Variants in IQUB observed in about 807,000 individuals in gnomAD.
IQUB encodes IQ motif and ubiquitin-like domain-containing protein.
Under a neutral mutation model 86.4 loss-of-function variants are expected in IQUB, and 86 were observed. That is an observed-to-expected ratio of 1.00 (90% confidence interval 0.84 to 1.19). The LOEUF (loss-of-function observed/expected upper bound fraction) is 1.19. IQUB is among the 50% of genes most tolerant of loss of function. The pLI is 0.00. For synonymous variants in IQUB, 289 were observed against 304.5 expected (o/e 0.95, Z 0.53); for missense variants, 946 against 916.9 (o/e 1.03, Z -0.41).
chr7:123,496,289 A>G (rs1204402802), intron 7 of IQUB, among the ~76,000 whole-genome samples: 1 of 152,178 alleles, frequency 6.6e-6, no homozygotes, highest in East Asian at 1.9e-4. Context: ...AATATTGCCA[A>G]GCCCCTTCTC....
intron 6 of IQUB, among the ~76,000 whole-genome samples, chr7:123,498,053 CAGA>C (rs964860665): frequency 6.6e-6 from 1 of 151,282 alleles, no homozygotes; most frequent in East Asian, 1.9e-4. Flanking sequence ...GTGAGTGTCC[CAGA>C]AGGTGACACC....
rs1157920805 is a variant in IQUB, at chr7:123,496,780, C to G, written c.1150G>C (p.Glu384Gln). 1.9e-6 allele frequency: 3 copies of G among 1,611,878 alleles called. No homozygotes were observed. The highest frequency in any genetic ancestry group is 2.5e-6 in the Non-Finnish European group (3 of 1,178,652). ...TGATAGTCCAATTTTATCCATTCTT[C>G]TTTTTCTCTTATCTTCCTTAGTTCT... ...QQELRKIREK[E>Q]EWIKLDYHRR... Residue 384 changes from glutamate (E) to glutamine (Q), a missense_variant, in exon 7 of 13, where the codon GAA becomes CAA. By Grantham distance (29) the Glu-to-Gln change is conservative. Transcript: ENST00000324698.
At chr7:123,479,175 G>A (rs1467649016) in intron 8 of IQUB, among the ~76,000 whole-genome samples, 3 of 152,120 alleles carry the variant, frequency 2.0e-5, no homozygotes, top group African/African-American at 7.2e-5. Flanking sequence ...ACTTTAAATT[G>A]TTTGGAAAGA....
At chr7:123,497,802 A>G (rs1004535197) in intron 6 of IQUB, among the ~76,000 whole-genome samples, 4 of 150,898 alleles carry the variant, frequency 2.7e-5, no homozygotes, top group African/African-American at 9.8e-5. Context: ...AACTTTGAAG[A>G]ATCCCTTCAA....
chr7:123,489,490 G>T (rs540321077), intron 7 of IQUB, among the ~76,000 whole-genome samples: 1 of 151,524 alleles, frequency 6.6e-6, no homozygotes, highest in Admixed American at 6.6e-5. Flanking sequence ...AGATAACAAA[G>T]TTATTTTATT....
In IQUB at chr7:123,461,503, G is replaced by A. The variant is rs765950092; in HGVS notation, c.1861C>T (p.Arg621Cys). ...TEFSVSSTSR[R>C]IYRCRNCINL... ...ATGCAGTTACGACACCGGTATATGCGGCGTGAGGTGGATGATACAGAAAAT... is the reference window on the plus strand; with the variant it reads ...ATGCAGTTACGACACCGGTATATGCAGCGTGAGGTGGATGATACAGAAAAT... Residue 621 changes from arginine to cysteine, a missense_variant, in exon 11 of 13, where the codon CGC becomes TGC. Coordinates refer to ENST00000324698, the MANE Select transcript of IQUB (RefSeq NM_178827.5). 5.7e-5 allele frequency: 92 copies of A among 1,612,056 alleles called. No individual in the cohort carries two copies. Among genetic ancestry groups the A allele is most frequent in the Middle Eastern group, 3.3e-4 (2 of 6,076 alleles).
intron 8 of IQUB, among the ~76,000 whole-genome samples, chr7:123,475,373 C>CTTTTTT (rs35957699): frequency 5.4e-5 from 5 of 92,940 alleles, no homozygotes; most frequent in African/African-American, 1.6e-4. Context: ...CTCCATTTCA[C>CTTTTTT]TTTTTTTTTT....
Position 123,452,789 on chromosome 7 carries a change from G to C in IQUB, c.2330C>G (p.Ser777Ter). ...TTCTATAATCTTAGGTGTTGTGTCT[G>C]AGTGATACTTCCATCTGATCTCATC... ...EIDEIRWKYH[S>*]DTTPKIIESQ... Residue 777 changes from serine to a stop codon, truncating the protein, a stop_gained, in exon 13 of 13, where the codon TCA becomes TGA. Transcript: ENST00000324698. LOFTEE classifies it low-confidence loss of function (END_TRUNC). 1 of 1,613,610 alleles carries C rather than the reference G, an allele frequency of 6.2e-7. No homozygotes were observed. Among genetic ancestry groups the C allele is most frequent in the Non-Finnish European group, 8.5e-7 (1 of 1,179,688 alleles).
At chr7:123,528,566 T>C (rs1402207294) in intron 1 of IQUB, among the ~76,000 whole-genome samples, 1 of 152,130 alleles carries the variant, frequency 6.6e-6, no homozygotes, top group Non-Finnish European at 1.5e-5. Flanking sequence ...AACTGTGCTG[T>C]ATCTCAGTGT....
chr7:123,486,088 C>T (rs1379435622), intron 7 of IQUB, among the ~76,000 whole-genome samples: 2 of 152,140 alleles, frequency 1.3e-5, no homozygotes, highest in Non-Finnish European at 2.9e-5. Flanking sequence ...AGTCCATCTC[C>T]TGGACATGAT....
rs1366845908 is a variant in IQUB at position 123,527,487 on chromosome 7, GT to G, written c.-5+7004del. Among the ~76,000 whole-genome samples the G allele has an allele frequency of 3.9e-5, 6 of 152,288 alleles. No individual in the cohort carries two copies. In the East Asian group the frequency reaches 7.7e-4, roughly 20 times the overall value. On this transcript the variant is annotated intron_variant, in intron 1 of 12. Coordinates refer to ENST00000324698, the MANE Select transcript of IQUB (RefSeq NM_178827.5). Reference sequence around the variant, plus strand: ...TTTGATGATGGTGATGTACAGATGGGTTTTTGGTGTGGATGTCCTTTCTGTT... The same window carrying G: ...TTTGATGATGGTGATGTACAGATGGGTTTTGGTGTGGATGTCCTTTCTGTT...
At chr7:123,461,303 A>G (rs1285052841) in intron 11 of IQUB, 54 bp downstream of exon 11, 2 of 1,525,050 alleles carry the variant, frequency 1.3e-6, no homozygotes, top group Non-Finnish European at 1.8e-6. Flanking sequence ...TAAGATTGCA[A>G]GATAGCCTCC....
intron 1 of IQUB, among the ~76,000 whole-genome samples, chr7:123,518,239 T>C (rs781469021): frequency 1.6e-4 from 25 of 152,098 alleles, no homozygotes; most frequent in Non-Finnish European, 2.8e-4. Context: ...TTTTCTGCCA[T>C]CCTATCATAT....
chr7:123,517,289 T>C (rs1224086021), intron 1 of IQUB, among the ~76,000 whole-genome samples: 1 of 151,772 alleles, frequency 6.6e-6, no homozygotes, highest in African/African-American at 2.4e-5. Context: ...CCCAGCACTT[T>C]GTGAGGCCGA....
chr7:123,502,789 C>CTATA (rs59251090), intron 5 of IQUB, 37 bp from the exon 6 acceptor site: 5 of 1,462,676 alleles, frequency 3.4e-6, no homozygotes, highest in Non-Finnish European at 4.7e-6. Flanking sequence ...TCAGTATCCC[C>CTATA]TATATATATA....
chr7:123,470,341 A>G (rs1291840964), intron 8 of IQUB, among the ~76,000 whole-genome samples: 1 of 152,180 alleles, frequency 6.6e-6, no homozygotes, highest in East Asian at 1.9e-4. Context: ...AAACAAGACT[A>G]TGTTGATCAT....
At chr7:123,480,200 G>A (rs923283938) in intron 7 of IQUB, among the ~76,000 whole-genome samples, 2 of 152,136 alleles carry the variant, frequency 1.3e-5, no homozygotes, top group Non-Finnish European at 2.9e-5. Flanking sequence ...TACAGTTGAT[G>A]TCAAATTATA....
intron 1 of IQUB, among the ~76,000 whole-genome samples, chr7:123,525,390 G>A (rs1797146773): frequency 6.6e-6 from 1 of 152,118 alleles, no homozygotes; most frequent in African/African-American, 2.4e-5. Flanking sequence ...CCTGTTATTG[G>A]TCTATTCAGA....
At chr7:123,470,862 A>G (rs1486458710) in intron 8 of IQUB, among the ~76,000 whole-genome samples, 1 of 151,946 alleles carries the variant, frequency 6.6e-6, no homozygotes, top group African/African-American at 2.4e-5. Context: ...AAAAAAAAAA[A>G]GAAAAAAGAA....
Sources: gnomAD v4.1 joint callset for allele counts (sites outside exome capture counted in the v4.1 genomes callset) on GRCh38, gnomAD v4.1.1 for gene constraint, MANE v1.5 for transcripts, NCBI Gene and HGNC (gene_info 2026-07-23, HGNC 2026-07-21) for gene names.